The following NRG2 variants were observed in gnomAD, a reference collection of about 807,000 sequenced individuals.
The protein encoded by NRG2 is neuregulin 2.
A neutral mutation model predicts 73.9 loss-of-function variants in NRG2; 27 were observed. The observed-to-expected ratio is 0.37, with a 90% CI of 0.27 to 0.50. NRG2 has a LOEUF of 0.50. Among genes scored for constraint, NRG2 ranks in the 20% least tolerant of loss-of-function variants. The pLI is 0.96. For missense variants in NRG2, 1,126 were observed against 1,210.1 expected, an observed-to-expected ratio of 0.93 and a Z score of 1.03; for synonymous variants, 532 against 541.0, an observed-to-expected ratio of 0.98 and a Z score of 0.23.
At chr5:140,032,775 T>C (rs1761248957) in intron 1 of NRG2, among the ~76,000 whole-genome samples, 1 of 152,124 alleles carries the variant, frequency 6.6e-6, no homozygotes, top group African/African-American at 2.4e-5. Context: ...ACTTTAAGAA[T>C]AAGAAAAAAT....
chr5:139,847,981 C>A lies in NRG2; in HGVS notation c.2489G>T (p.Arg830Leu). The A allele has an allele frequency of 6.6e-7, 1 of 1,513,530 alleles. No individual in the cohort carries two copies. The allele number at this position is 1,513,530 out of a possible 1,614,324, so 93.8% of individuals were successfully genotyped here. Residue 830 changes from arginine to leucine, a missense_variant, in exon 10 of 10, where the codon CGG becomes CTG. Transcript: ENST00000361474. ...CCCGCGGCTGTGTCTGCTGCTGGCC[C>A]GCGTGCTGTGGCTGTCCAGTGAGTA... ...TYYSLDSHST[R>L]ASSRHSRGPP...
intron 1 of NRG2, among the ~76,000 whole-genome samples, chr5:140,041,514 C>T (rs1360875230): frequency 6.6e-6 from 1 of 152,144 alleles, no homozygotes; most frequent in Non-Finnish European, 1.5e-5. Flanking sequence ...CACCTGCATT[C>T]CTGTGCAGCA....
rs1762609878 is a variant in NRG2 at position 139,868,149 on chromosome 5, T to C, written c.1113-2524A>G. On this transcript the variant is annotated intron_variant, in intron 4 of 9. Coordinates refer to ENST00000361474, the MANE Select transcript of NRG2 (RefSeq NM_004883.3). This position sits in a 1 kb window ranked among gnomAD's most constrained non-coding sequence, Gnocchi z 4.2. ...GGGCACAGTGGGGGTGGTGGAAGGCTGACAGCTACTGCTGTTCTTTGGGGT... is the reference window on the plus strand; with the variant it reads ...GGGCACAGTGGGGGTGGTGGAAGGCCGACAGCTACTGCTGTTCTTTGGGGT... Among the ~76,000 whole-genome samples, 1 of 152,110 alleles carries C rather than the reference T, an allele frequency of 6.6e-6. No homozygotes were observed.
chr5:139,957,637 G>A (rs947461650), intron 1 of NRG2, among the ~76,000 whole-genome samples: 4 of 152,196 alleles, frequency 2.6e-5, no homozygotes, highest in Admixed American at 6.5e-5. Context: ...TGCAGAGTAG[G>A]GGGAGCCTCT....
Position 139,852,441 on chromosome 5 carries a change from G to C in NRG2, c.1535C>G (p.Ser512Cys). The change falls in exon 8 of 10, where the codon TCC becomes TGC. Residue 512 changes from serine to cysteine, a missense_variant. Coordinates refer to ENST00000361474, the MANE Select transcript of NRG2 (RefSeq NM_004883.3). This position sits in a 1 kb window ranked among gnomAD's most constrained non-coding sequence, Gnocchi z 4.4. ...CCTTGGTGGTGCCTACCTGTGGCTG[G>C]AGGTGGGTGTGGCTGTGGAGCAGTG... Reference protein sequence around the residue: ...SHHCSTATPTSSHRHESHTWS... With the variant: ...SHHCSTATPTCSHRHESHTWS... 6.2e-7 allele frequency: 1 copy of C among 1,613,486 alleles called. No homozygotes were observed. The highest frequency in any genetic ancestry group is 1.1e-5 in the South Asian group (1 of 90,908).
chr5:139,880,844 G>C lies in NRG2; in HGVS notation c.991+12C>G, dbSNP rs543508014. On this transcript the variant is annotated intron_variant, in intron 3 of 9. Coordinates refer to ENST00000361474, the MANE Select transcript of NRG2 (RefSeq NM_004883.3). ...CCCTCTAGGACCCTTCCCTCTGTCT[G>C]GGCCCACCTACCGCTGTTGACGTAA... 1.9e-6 allele frequency: 3 copies of C among 1,610,474 alleles called. No individual in the cohort carries two copies. Among genetic ancestry groups the C allele is most frequent in the Non-Finnish European group, 2.5e-6 (3 of 1,176,886 alleles).
At chr5:139,928,867 T>C (rs1247191756) in intron 1 of NRG2, among the ~76,000 whole-genome samples, 3 of 152,206 alleles carry the variant, frequency 2.0e-5, no homozygotes, top group African/African-American at 7.2e-5. Flanking sequence ...TCACATCCTG[T>C]CACTAGCTGT....
At chr5:139,881,533 G>C (rs1399323605) in intron 2 of NRG2, among the ~76,000 whole-genome samples, 4 of 152,192 alleles carry the variant, frequency 2.6e-5, no homozygotes, top group Non-Finnish European at 5.9e-5. Context: ...AGGGGTTTTT[G>C]TTTCATTCAT....
At chr5:139,980,948 A>G (rs1245527716) in intron 1 of NRG2, among the ~76,000 whole-genome samples, 2 of 152,168 alleles carry the variant, frequency 1.3e-5, no homozygotes, top group Non-Finnish European at 2.9e-5. Flanking sequence ...TGGTTTCTGT[A>G]AATGTGTCTC....
chr5:139,859,672 C>T (rs1033724494), intron 5 of NRG2, among the ~76,000 whole-genome samples: 10 of 152,142 alleles, frequency 6.6e-5, no homozygotes, highest in Non-Finnish European at 8.8e-5. Flanking sequence ...GGCAACGGTC[C>T]GAACCCCTGA....
chr5:139,968,526 G>A (rs1755729614), intron 1 of NRG2, among the ~76,000 whole-genome samples: 1 of 152,176 alleles, frequency 6.6e-6, no homozygotes, highest in Admixed American at 6.5e-5. Flanking sequence ...CAAAGGGGAT[G>A]GGTCAGAGAG....
intron 1 of NRG2, among the ~76,000 whole-genome samples, chr5:140,040,155 A>G (rs893870653): frequency 3.9e-5 from 6 of 152,156 alleles, no homozygotes; most frequent in African/African-American, 1.4e-4. Flanking sequence ...ATCCCCTTAT[A>G]TAAGGCTCCC....
chr5:139,870,878 T>C lies in NRG2; in HGVS notation c.1112+843A>G, dbSNP rs1762796926. 6.6e-6 allele frequency among the ~76,000 whole-genome samples: 1 copy of C among 152,148 alleles called. No homozygotes were observed. The highest frequency in any genetic ancestry group is 1.5e-5 in the Non-Finnish European group (1 of 68,016). On this transcript the variant is annotated intron_variant, in intron 4 of 9. Transcript: ENST00000361474. This position sits in a 1 kb window ranked among gnomAD's most constrained non-coding sequence, Gnocchi z 4.4. Reference sequence around the variant, plus strand: ...TGAACGAGCCCTCCCTGACAGCCTCTCTCCCACCTGCCTTGTTTGCTATGG... The same window carrying C: ...TGAACGAGCCCTCCCTGACAGCCTCCCTCCCACCTGCCTTGTTTGCTATGG...
chr5:140,001,837 T>C (rs1462449539), intron 1 of NRG2, among the ~76,000 whole-genome samples: 1 of 152,140 alleles, frequency 6.6e-6, no homozygotes, highest in Non-Finnish European at 1.5e-5. Flanking sequence ...CACTCCAACC[T>C]TGGTGACAGA....
intron 1 of NRG2, among the ~76,000 whole-genome samples, chr5:140,019,171 T>G (rs1267956736): frequency 2.6e-5 from 4 of 152,176 alleles, no homozygotes; most frequent in Non-Finnish European, 5.9e-5. Context: ...GGAGTCATGC[T>G]GGGCTAGAAA....
intron 1 of NRG2, among the ~76,000 whole-genome samples, chr5:140,041,813 C>A (rs984677290): frequency 6.6e-6 from 1 of 152,152 alleles, no homozygotes; most frequent in Non-Finnish European, 1.5e-5. Flanking sequence ...TCCAACTCTG[C>A]CTGCGCCAGC....
intron 1 of NRG2, among the ~76,000 whole-genome samples, chr5:139,908,131 T>A (rs1765357090): frequency 6.6e-6 from 1 of 152,248 alleles, no homozygotes; most frequent in Admixed American, 6.5e-5. Context: ...CTAGGACCCA[T>A]GCTCTTTACT....
In NRG2 at chr5:140,042,928, TGCTGCTGCTGCCGCTCTC is replaced by T; in HGVS notation, c.124_141del (p.Glu42_Ser47del). The T allele has an allele frequency of 2.6e-6, 4 of 1,536,620 alleles. No individual in the cohort carries two copies. Among genetic ancestry groups the T allele is most frequent in the Non-Finnish European group, 3.5e-6 (4 of 1,142,330 alleles). On this transcript the variant is annotated inframe_deletion, in exon 1 of 10. Transcript: ENST00000361474. ...ATGCTGCTGTTGTTGCTGCTGCTCCTGCTGCTGCTGCCGCTCTCGCTGCTGCTGCTGCTGCTGCTGCTG... is the reference window on the plus strand; with the variant it reads ...ATGCTGCTGTTGTTGCTGCTGCTCCTGCTGCTGCTGCTGCTGCTGCTGCTG...
Position 140,008,148 on chromosome 5 carries a change from T to C in NRG2, c.700+34222A>G, listed in dbSNP as rs115074368. Among the ~76,000 whole-genome samples the C allele has an allele frequency of 0.014, 2,083 of 152,334 alleles. 48 individuals are homozygous for C. Among genetic ancestry groups the C allele is most frequent in the African/African-American group, 0.048 (1,978 of 41,584 alleles). On this transcript the variant is annotated intron_variant, in intron 1 of 9. Coordinates refer to ENST00000361474, the MANE Select transcript of NRG2 (RefSeq NM_004883.3). This position sits in a 1 kb window ranked among gnomAD's most constrained non-coding sequence, Gnocchi z 4.2. ...AGCCTGACATCTACATGTCCCATTT[T>C]GCTGCAGCCACTGAGGGTAAGTGCA...
Sources: gnomAD v4.1 joint callset for allele counts (sites outside exome capture counted in the v4.1 genomes callset) on GRCh38, gnomAD v4.1.1 for gene constraint, Gnocchi (gnomAD v3.1) non-coding constraint, MANE v1.5 for transcripts, NCBI Gene and HGNC (gene_info 2026-07-23, HGNC 2026-07-21) for gene names.